Variants in NCR3LG1 observed in about 807,000 individuals in gnomAD.
NCR3LG1 encodes the protein natural killer cell cytotoxicity receptor 3 ligand 1.
NCR3LG1 carries 35 observed loss-of-function variants against 34.8 expected under a neutral mutation model. That is an observed-to-expected ratio of 1.01 (90% CI 0.77 to 1.33). The LOEUF (loss-of-function observed/expected upper bound fraction) is 1.33. Ranked by LOEUF, NCR3LG1 falls within the 40% of genes most tolerant of loss-of-function variation. The probability of loss-of-function intolerance (pLI) is 0.00; values close to 1 mark genes in which losing one functional copy is unlikely to be tolerated. For synonymous variants in NCR3LG1, 173 were observed against 163.6 expected (o/e 1.06, Z -0.44); for missense variants, 452 against 423.3 (o/e 1.07, Z -0.60).
rs1292149413 is a variant in NCR3LG1, at chr11:17,352,057, T to C, written c.70+18T>C. 2.8e-5 allele frequency: 3 copies of C among 108,222 alleles called. No homozygotes were observed. Among genetic ancestry groups the C allele is most frequent in the East Asian group, 3.3e-4 (1 of 3,032 alleles). The allele number at this position is 108,222 out of a possible 1,614,324, so 6.7% of individuals were successfully genotyped here. On this transcript the variant is annotated intron_variant, in intron 1 of 4. Coordinates refer to ENST00000338965, the MANE Select transcript of NCR3LG1 (RefSeq NM_001202439.3). ...GACCGAAGGTAGGGGGCGGCTGGGG[T>C]GGGCTGGGGCGGGGGCTCCTGGCGC... is the stretch of plus-strand genomic sequence containing the variant.
intron 1 of NCR3LG1, among the ~76,000 whole-genome samples, chr11:17,352,707 C>G (rs928612298): frequency 5.3e-5 from 8 of 152,134 alleles, no homozygotes; most frequent in African/African-American, 1.9e-4. Flanking sequence ...ATCATTCATC[C>G]GCATATCAGT....
At position 17,372,073 on chromosome 11, in the gene NCR3LG1, A is replaced by G; in HGVS notation, c.926A>G (p.Asp309Gly). The G allele has an allele frequency of 1.4e-6, 1 of 702,954 alleles. No individual in the cohort carries two copies. Among genetic ancestry groups the G allele is most frequent in the South Asian group, 1.5e-5 (1 of 67,598 alleles). 43.5% of individuals were successfully genotyped at this position (702,954 alleles called of 1,614,324 possible). A position where few individuals can be genotyped will look rare whatever the true frequency, so the allele number is the denominator to read the frequency against. ...ATTCTGAAACACTGGAACTCCTTTG[A>G]CACTCAGACTCTGAAGAAAGAGCAC... Reference protein sequence around the residue: ...KCILKHWNSFDTQTLKKEHLI... With the variant: ...KCILKHWNSFGTQTLKKEHLI... Residue 309 changes from aspartate to glycine, a missense_variant, in exon 5 of 5, where the codon GAC (aspartate) becomes GGC (glycine). Physicochemically the swap from Asp to Gly is moderately conservative, Grantham distance 94. Coordinates refer to ENST00000338965, the MANE Select transcript of NCR3LG1 (RefSeq NM_001202439.3).
chr11:17,379,269 C>A (rs551454320), downstream of NCR3LG1, among the ~76,000 whole-genome samples: 1 of 152,272 alleles, frequency 6.6e-6, no homozygotes, highest in Admixed American at 6.5e-5. Context: ...GTAAAACTAT[C>A]AGTTTATTGC....
Position 17,367,173 on chromosome 11 carries a change from A to C in NCR3LG1, c.586A>C (p.Thr196Pro). 2 of 1,536,608 alleles carry C rather than the reference A, an allele frequency of 1.3e-6. No individual in the cohort carries two copies. The change falls in exon 3 of 5, where the codon ACT (threonine) becomes CCT (proline). Residue 196 changes from threonine (T) to proline (P), a missense_variant. Thr to Pro is a conservative substitution (Grantham distance 38). Coordinates refer to ENST00000338965, the MANE Select transcript of NCR3LG1 (RefSeq NM_001202439.3). ...CATAGAGATTTCTGAGGATGTCATC[A>C]CTGGTCCCACCATCAAGAATATGGA... ...HPIEISEDVI[T>P]GPTIKNMDGT...
chr11:17,372,735 A>T lies in NCR3LG1; in HGVS notation c.*223A>T, dbSNP rs750755958. On this transcript the variant is annotated 3_prime_UTR_variant, in exon 5 of 5. Coordinates refer to ENST00000338965, the MANE Select transcript of NCR3LG1 (RefSeq NM_001202439.3). ...AGGTAGCCCTGCAGGCAGCAGAAAA[A>T]TTCAGAGATGAACAACATGTCTTCT... 9.5e-5 allele frequency: 47 copies of T among 494,068 alleles called. No homozygotes were observed. Among genetic ancestry groups the T allele is most frequent in the Non-Finnish European group, 1.5e-4 (42 of 281,244 alleles). 30.6% of individuals were successfully genotyped at this position (494,068 alleles called of 1,614,324 possible).
At chr11:17,363,541 T>A (rs1953309466) in intron 2 of NCR3LG1, among the ~76,000 whole-genome samples, 1 of 93,372 alleles carries the variant, frequency 1.1e-5, no homozygotes. Flanking sequence ...CCTCCCTCCC[T>A]CCCTTCCTTC....
rs969691773 is a variant in NCR3LG1, at chr11:17,376,382, C to T, written c.*3870C>T. On this transcript the variant is annotated 3_prime_UTR_variant, in exon 5 of 5. Coordinates refer to ENST00000338965, the MANE Select transcript of NCR3LG1 (RefSeq NM_001202439.3). ...TTAAAGAAGCCTCTACCCAGTAGGG[C>T]CGAGTCTGCTAGGACTTTTTATTGG... 2 of 152,178 alleles carry T rather than the reference C, an allele frequency of 1.3e-5. No homozygotes were observed. Among genetic ancestry groups the T allele is most frequent in the Non-Finnish European group, 2.9e-5 (2 of 68,026 alleles). 9.4% of individuals were successfully genotyped at this position (152,178 alleles called of 1,614,324 possible).
chr11:17,352,174 CTCCTT>C (rs1315531404), intron 1 of NCR3LG1, 135 bp downstream of exon 1: 4 of 470,380 alleles, frequency 8.5e-6, no homozygotes, highest in Non-Finnish European at 1.5e-5. Context: ...TCTATTTCTT[CTCCTT>C]TTTTTTTTTT....
intron 4 of NCR3LG1, among the ~76,000 whole-genome samples, chr11:17,370,735 T>C (rs1205335904): frequency 6.6e-6 from 1 of 152,212 alleles, no homozygotes; most frequent in Non-Finnish European, 1.5e-5. Flanking sequence ...CTGGACTAAC[T>C]CCAGCCCCCG....
Position 17,372,161 on chromosome 11 carries a change from T to C in NCR3LG1, c.1014T>C (p.Pro338=), listed in dbSNP as rs1293339653. The part of the protein sequence containing the change: ...SYQLQDGEAW[P]PEGSVNINTI... ...AGCTGCAGGATGGGGAGGCTTGGCCTCCTGAGGGAAGTGTTAATATTAATA... is the reference window on the plus strand; with the variant it reads ...AGCTGCAGGATGGGGAGGCTTGGCCCCCTGAGGGAAGTGTTAATATTAATA... Residue 338 remains proline (P), a synonymous_variant, in exon 5 of 5, where the codon CCT becomes CCC. Transcript: ENST00000338965. 1 of 703,012 alleles carries C rather than the reference T, an allele frequency of 1.4e-6. No individual in the cohort carries two copies. The highest frequency in any genetic ancestry group is 2.6e-6 in the Non-Finnish European group (1 of 384,992). The allele number at this position is 703,012 out of a possible 1,614,324, so 43.5% of individuals were successfully genotyped here.
At position 17,367,103 on chromosome 11, in the gene NCR3LG1, TA is replaced by T; in HGVS notation, c.517del (p.Ile173LeufsTer3). ...CESSGFYPEAINITWEKQTQK... is the reference protein window; with the variant it reads ...CESSGFYPEAXNITWEKQTQK... Reference sequence around the variant, plus strand: ...AGTCAAGTGGGTTCTACCCAGAGGCTATTAATATAACATGGGAGAAGCAGAC... The same window carrying T: ...AGTCAAGTGGGTTCTACCCAGAGGCTTTAATATAACATGGGAGAAGCAGAC... On this transcript the variant is annotated frameshift_variant, in exon 3 of 5. Coordinates refer to ENST00000338965, the MANE Select transcript of NCR3LG1 (RefSeq NM_001202439.3). LOFTEE classifies it high-confidence loss of function. 1 of 1,536,276 alleles carries T rather than the reference TA, an allele frequency of 6.5e-7. No homozygotes were observed. The highest frequency in any genetic ancestry group is 8.7e-7 in the Non-Finnish European group (1 of 1,146,914).
intron 2 of NCR3LG1, among the ~76,000 whole-genome samples, chr11:17,358,463 G>A (rs928420921): frequency 1.3e-5 from 2 of 152,100 alleles, no homozygotes; most frequent in Admixed American, 6.5e-5. Context: ...GAGGAACATC[G>A]CAGAGGTAAA....
At chr11:17,360,550 T>TA (rs1410363669) in intron 2 of NCR3LG1, among the ~76,000 whole-genome samples, 3 of 152,212 alleles carry the variant, frequency 2.0e-5, no homozygotes, top group Non-Finnish European at 4.4e-5. Flanking sequence ...TGATGCAGTT[T>TA]ACTTTAATTT....
chr11:17,358,342 A>G (rs1953233954), intron 2 of NCR3LG1, among the ~76,000 whole-genome samples: 2 of 152,044 alleles, frequency 1.3e-5, no homozygotes, highest in Admixed American at 6.6e-5. Flanking sequence ...CTTATTTTTG[A>G]TGTCCTTGAC....
At chr11:17,378,566 C>G (rs1953495550), downstream of NCR3LG1, among the ~76,000 whole-genome samples, 1 of 152,136 alleles carries the variant, frequency 6.6e-6, no homozygotes, top group Non-Finnish European at 1.5e-5. Flanking sequence ...TTAGACCAAT[C>G]TCAGGAGGAG....
intron 1 of NCR3LG1, among the ~76,000 whole-genome samples, chr11:17,356,207 A>G (rs2883548): frequency 0.48 from 69,984 of 145,282 alleles, 21,301 homozygotes; most frequent in African/African-American, 0.87. Context: ...GCATGATCTC[A>G]GCTCACTGCA....
At chr11:17,363,510 C>T (rs12291149) in intron 2 of NCR3LG1, among the ~76,000 whole-genome samples, 1 of 69,172 alleles carries the variant, frequency 1.4e-5, no homozygotes, top group Non-Finnish European at 2.6e-5. Context: ...TTCCCTCCCT[C>T]CCTCCCTCCC....
At chr11:17,353,800 C>G (rs562738988) in intron 1 of NCR3LG1, among the ~76,000 whole-genome samples, 5 of 152,338 alleles carry the variant, frequency 3.3e-5, no homozygotes, top group African/African-American at 1.2e-4. Context: ...AGGGTCGGAC[C>G]CCAGAACCAG....
intron 1 of NCR3LG1, among the ~76,000 whole-genome samples, chr11:17,352,691 G>A (rs1009420759): frequency 6.6e-6 from 1 of 152,042 alleles, no homozygotes; most frequent in Non-Finnish European, 1.5e-5. Flanking sequence ...TCGGTAAATT[G>A]GAAAAATCAT....
Sources: gnomAD v4.1 joint callset for allele counts (sites outside exome capture counted in the v4.1 genomes callset) on GRCh38, gnomAD v4.1.1 for gene constraint, MANE v1.5 for transcripts, NCBI Gene and HGNC (gene_info 2026-07-23, HGNC 2026-07-21) for gene names.